The following ZSWIM6 variants were observed in gnomAD, a reference collection of about 807,000 sequenced individuals.
The protein encoded by ZSWIM6 is zinc finger SWIM domain-containing protein 6.
ZSWIM6 carries 9 observed loss-of-function variants against 113.2 expected under a neutral mutation model. That is an observed-to-expected ratio of 0.08 (90% CI 0.05 to 0.14). The LOEUF (loss-of-function observed/expected upper bound fraction) is 0.14, where lower values mean the gene tolerates loss of function less well. ZSWIM6 is among the 10% of genes least tolerant of loss of function. The pLI is 1.00. For missense variants in ZSWIM6, 1,162 were observed against 1,552.2 expected (o/e 0.75, Z 4.22); for synonymous variants, 611 against 606.5 (o/e 1.01, Z -0.11).
intron 1 of ZSWIM6, among the ~76,000 whole-genome samples, chr5:61,363,131 G>T (rs536351159): frequency 5.3e-5 from 8 of 151,950 alleles, no homozygotes; most frequent in Admixed American, 2.6e-4. Context: ...TGGAGACTGT[G>T]CCCTCCTTTC....
intron 1 of ZSWIM6, among the ~76,000 whole-genome samples, chr5:61,417,608 C>T (rs1213025620): frequency 2.6e-4 from 39 of 152,162 alleles, no homozygotes. Context: ...AAAAGAGGTT[C>T]ATGTTAGCAT....
At chr5:61,493,673 G>A (rs925734348) in intron 3 of ZSWIM6, among the ~76,000 whole-genome samples, 3 of 151,990 alleles carry the variant, frequency 2.0e-5, no homozygotes, top group Non-Finnish European at 2.9e-5. Context: ...TAAAATTATG[G>A]CATCTTATTT....
chr5:61,516,299 A>T lies in ZSWIM6; in HGVS notation c.1334-4964A>T, dbSNP rs540700455. 1.1e-4 allele frequency among the ~76,000 whole-genome samples: 17 copies of T among 149,836 alleles called. 1 individual carries two copies. Among genetic ancestry groups the T allele is most frequent in the African/African-American group, 4.1e-4 (17 of 41,208 alleles). On this transcript the variant is annotated intron_variant, in intron 4 of 13. Coordinates refer to ENST00000252744, the MANE Select transcript of ZSWIM6 (RefSeq NM_020928.2). Reference sequence around the variant, plus strand: ...ATTTTAAAATGTTTTATTATAATTTAATTTCTATTATCCTTTGTGTTTGTA... The same window carrying T: ...ATTTTAAAATGTTTTATTATAATTTTATTTCTATTATCCTTTGTGTTTGTA...
At chr5:61,479,824 G>C (rs889962891) in intron 2 of ZSWIM6, among the ~76,000 whole-genome samples, 2 of 152,144 alleles carry the variant, frequency 1.3e-5, no homozygotes, top group Non-Finnish European at 2.9e-5. Flanking sequence ...GAGTAAAAGT[G>C]AGCTGCTATT....
intron 1 of ZSWIM6, among the ~76,000 whole-genome samples, chr5:61,386,998 T>A (rs1745603499): frequency 6.6e-6 from 1 of 152,236 alleles, no homozygotes; most frequent in South Asian, 2.1e-4. Context: ...AGGGAGCCTT[T>A]GCCTTTTGTT....
chr5:61,336,262 T>C (rs749358848), intron 1 of ZSWIM6, among the ~76,000 whole-genome samples: 2 of 151,956 alleles, frequency 1.3e-5, no homozygotes, highest in Admixed American at 6.6e-5. Context: ...AGACTCCATC[T>C]CAAAAAAGAA....
At chr5:61,366,133 C>T (rs1054335615) in intron 1 of ZSWIM6, among the ~76,000 whole-genome samples, 2 of 152,166 alleles carry the variant, frequency 1.3e-5, no homozygotes, top group African/African-American at 4.8e-5. Context: ...GGGCTCTCAG[C>T]GATCTGCCCG....
At chr5:61,386,508 C>T (rs1318286790) in intron 1 of ZSWIM6, among the ~76,000 whole-genome samples, 3 of 151,970 alleles carry the variant, frequency 2.0e-5, no homozygotes, top group Admixed American at 1.3e-4. Flanking sequence ...CCATGGCTAC[C>T]CTCTTTTTCA....
chr5:61,475,809 T>C (rs1747697051), intron 2 of ZSWIM6, among the ~76,000 whole-genome samples: 1 of 152,178 alleles, frequency 6.6e-6, no homozygotes, highest in Non-Finnish European at 1.5e-5. Flanking sequence ...AAAAATGTTT[T>C]GCAGTTACTT....
chr5:61,351,127 C>G (rs1280973581), intron 1 of ZSWIM6, among the ~76,000 whole-genome samples: 1 of 152,174 alleles, frequency 6.6e-6, no homozygotes, highest in Non-Finnish European at 1.5e-5. Flanking sequence ...GTTGCCTGAT[C>G]TAGTGCAGCT....
At chr5:61,398,915 T>G (rs1311821403) in intron 1 of ZSWIM6, among the ~76,000 whole-genome samples, 1 of 78,330 alleles carries the variant, frequency 1.3e-5, no homozygotes, top group African/African-American at 5.7e-5. Context: ...TATAGTTGTT[T>G]TTTTTTTTTT....
intron 1 of ZSWIM6, among the ~76,000 whole-genome samples, chr5:61,366,046 CACCATGCCT>C (rs1745143411): frequency 6.6e-6 from 1 of 152,084 alleles, no homozygotes; most frequent in African/African-American, 2.4e-5. Context: ...AGGCGCCGGG[CACCATGCCT>C]AGCTAATTTT....
intron 1 of ZSWIM6, chr5:61,375,703 T>C: frequency 6.5e-7 from 1 of 1,548,510 alleles, no homozygotes; most frequent in Non-Finnish European, 8.7e-7. Flanking sequence ...CTTGTCAGAA[T>C]CAGAGTATAT....
Position 61,447,280 on chromosome 5 carries a change from T to C in ZSWIM6, c.677-25401T>C, listed in dbSNP as rs141825995. On this transcript the variant is annotated intron_variant, in intron 1 of 13. Coordinates refer to ENST00000252744, the MANE Select transcript of ZSWIM6 (RefSeq NM_020928.2). Reference sequence around the variant, plus strand: ...AAAAGTCAGTTTATCAAATTCTGATTTCCCATAACTGTATCAACACATATA... The same window carrying C: ...AAAAGTCAGTTTATCAAATTCTGATCTCCCATAACTGTATCAACACATATA... Among the ~76,000 whole-genome samples the C allele has an allele frequency of 3.1e-3, 479 of 152,246 alleles. 2 individuals carry two copies. Among genetic ancestry groups the C allele is most frequent in the African/African-American group, 0.011 (458 of 41,556 alleles).
At chr5:61,538,734 G>T (rs1284124935) in intron 10 of ZSWIM6, 80 bp from the exon 11 acceptor site, 1 of 1,462,046 alleles carries the variant, frequency 6.8e-7, no homozygotes, top group African/African-American at 1.4e-5. Flanking sequence ...CACTCCTCTG[G>T]CTTCTGTTGG....
chr5:61,433,727 G>A (rs1746634870), intron 1 of ZSWIM6, among the ~76,000 whole-genome samples: 1 of 151,898 alleles, frequency 6.6e-6, no homozygotes, highest in Non-Finnish European at 1.5e-5. Context: ...ACCTGCCTCG[G>A]CCTCCCAAAA....
chr5:61,342,924 A>G (rs189840267), intron 1 of ZSWIM6, among the ~76,000 whole-genome samples: 53 of 152,228 alleles, frequency 3.5e-4, no homozygotes, highest in Non-Finnish European at 1.3e-4. Context: ...TTAGGAATGA[A>G]TTTCAGCTTT....
intron 1 of ZSWIM6, among the ~76,000 whole-genome samples, chr5:61,341,906 G>A (rs960110125): frequency 7.1e-6 from 1 of 140,084 alleles, no homozygotes; most frequent in African/African-American, 2.7e-5. Context: ...TTGAGATGGG[G>A]TCTCCCTTTG....
At chr5:61,470,812 T>C (rs931421559) in intron 1 of ZSWIM6, among the ~76,000 whole-genome samples, 1 of 152,234 alleles carries the variant, frequency 6.6e-6, no homozygotes, top group African/African-American at 2.4e-5. Context: ...TAAAGATTAT[T>C]GCAGCACCTT....
Sources: gnomAD v4.1 joint callset for allele counts (sites outside exome capture counted in the v4.1 genomes callset) on GRCh38, gnomAD v4.1.1 for gene constraint, MANE v1.5 for transcripts, NCBI Gene and HGNC (gene_info 2026-07-23, HGNC 2026-07-21) for gene names.